The following CFAP69 variants were observed in gnomAD, a reference collection of about 807,000 sequenced individuals.
CFAP69 encodes cilia and flagella associated protein 69.
A neutral mutation model predicts 123.0 loss-of-function variants in CFAP69; 92 were observed. The observed-to-expected ratio is 0.75, with a 90% confidence interval of 0.63 to 0.89. The LOEUF is 0.89. Among genes scored for constraint, CFAP69 ranks in the 40% least tolerant of loss-of-function variants. The pLI is 0.00. For missense variants in CFAP69, 1,067 were observed against 1,096.9 expected (o/e 0.97, Z 0.39); for synonymous variants, 380 against 364.3 (o/e 1.04, Z -0.49).
At chr7:90,299,775 T>C in intron 16 of CFAP69, 92 bp from the exon 17 acceptor site, 1 of 1,043,262 alleles carries the variant, frequency 9.6e-7, no homozygotes, top group Non-Finnish European at 1.3e-6. Context: ...AGAAACTTAA[T>C]GATAATAGAA....
downstream of CFAP69, among the ~76,000 whole-genome samples, chr7:90,313,662 C>T (rs1161331376): frequency 6.6e-6 from 1 of 151,570 alleles, no homozygotes; most frequent in Non-Finnish European, 1.5e-5. Context: ...AAAGTATAAA[C>T]AAATGTTCAT....
At chr7:90,256,524 A>T (rs757604184) in intron 2 of CFAP69, among the ~76,000 whole-genome samples, 6 of 134,006 alleles carry the variant, frequency 4.5e-5, no homozygotes, top group Non-Finnish European at 9.3e-5. Flanking sequence ...CTTAAAGTAT[A>T]AAAAAAAAAA....
chr7:90,317,088 G>A, the CFAP69 span: 1 of 151,672 alleles, frequency 6.6e-6, no homozygotes, highest in African/African-American at 2.4e-5. Flanking sequence ...TAGCTGTCAG[G>A]TCATTTTTTT....
Position 90,245,413 on chromosome 7 carries a change from C to T in CFAP69, c.-12C>T. 1 of 1,538,934 alleles carries T rather than the reference C, an allele frequency of 6.5e-7. No homozygotes were observed. The highest frequency in any genetic ancestry group is 1.2e-5 in the South Asian group (1 of 83,140). ...GAAGATCCCCCCACTCTCCACCCCGCCGCCACCGGCCATGTGGACAGAGGA... is the reference window on the plus strand; with the variant it reads ...GAAGATCCCCCCACTCTCCACCCCGTCGCCACCGGCCATGTGGACAGAGGA... On this transcript the variant is annotated 5_prime_UTR_variant, in exon 1 of 23. Transcript: ENST00000389297.
At chr7:90,264,589 A>G (rs557972616) in intron 4 of CFAP69, among the ~76,000 whole-genome samples, 2 of 152,148 alleles carry the variant, frequency 1.3e-5, no homozygotes, top group South Asian at 4.1e-4. Flanking sequence ...TTTGTTCCAG[A>G]TTATCCAATG....
At chr7:90,264,130 T>TATATAAAAA (rs1798789337) in intron 4 of CFAP69, among the ~76,000 whole-genome samples, 1 of 96,350 alleles carries the variant, frequency 1.0e-5, no homozygotes, top group Admixed American at 1.2e-4. Flanking sequence ...TATATATATA[T>TATATAAAAA]ATATATATAT....
chr7:90,313,657 A>G (rs1348382462), downstream of CFAP69, among the ~76,000 whole-genome samples: 1 of 152,232 alleles, frequency 6.6e-6, no homozygotes, highest in Admixed American at 6.5e-5. Flanking sequence ...AAACCAAAGT[A>G]TAAACAAATG....
At chr7:90,270,915 A>G (rs1441992998) in intron 6 of CFAP69, among the ~76,000 whole-genome samples, 1 of 152,130 alleles carries the variant, frequency 6.6e-6, no homozygotes, top group East Asian at 1.9e-4. Context: ...CTAAAATACT[A>G]TTAAATTCAC....
rs373931252 is a variant in CFAP69 at position 90,250,279 on chromosome 7, C to A, written c.120+4735C>A. Among the ~76,000 whole-genome samples the A allele has an allele frequency of 1.0e-4, 15 of 148,492 alleles. No individual in the cohort carries two copies. In the East Asian group the frequency reaches 2.8e-3, roughly 27 times the overall value. ...AGGAGTCAGGCAGAGAACTAAGGAA[C>A]AAAGAACCAGAGTTTCTACATTAGA... On this transcript the variant is annotated intron_variant, in intron 1 of 22. Transcript: ENST00000389297.
At chr7:90,260,102 C>T (rs1798125129) in intron 3 of CFAP69, among the ~76,000 whole-genome samples, 1 of 152,044 alleles carries the variant, frequency 6.6e-6, no homozygotes, top group South Asian at 2.1e-4. Flanking sequence ...TTTAGTTCAT[C>T]AGCTATCATT....
At chr7:90,289,850 A>G (rs983684359) in intron 15 of CFAP69, among the ~76,000 whole-genome samples, 7 of 152,166 alleles carry the variant, frequency 4.6e-5, no homozygotes, top group East Asian at 1.9e-4. Context: ...TTGTAATTCA[A>G]TGCTGTTTTT....
rs537740346 is a variant in CFAP69, at chr7:90,253,183, T to G, written c.121-2240T>G. ...ACAAAGGAAACTGGGAGAGCTTAAC[T>G]CCTGTAATGGGGGTAAGCACTGTGA... On this transcript the variant is annotated intron_variant, in intron 1 of 22. Coordinates refer to ENST00000389297, the MANE Select transcript of CFAP69 (RefSeq NM_001039706.3). Among the ~76,000 whole-genome samples the G allele has an allele frequency of 3.3e-5, 5 of 152,266 alleles. No homozygotes were observed. The South Asian group carries it at 8.3e-4, about 25-fold the overall frequency.
chr7:90,299,347 A>G (rs778285808), intron 16 of CFAP69, among the ~76,000 whole-genome samples: 13 of 151,840 alleles, frequency 8.6e-5, no homozygotes, highest in Non-Finnish European at 1.8e-4. Flanking sequence ...ATCCTTAAAT[A>G]CTCTTTTATG....
intron 1 of CFAP69, among the ~76,000 whole-genome samples, chr7:90,246,816 ATT>A (rs11368221): frequency 5.7e-4 from 82 of 144,522 alleles, no homozygotes; most frequent in African/African-American, 1.7e-3. Flanking sequence ...GCAAGCGTGG[ATT>A]TTTTTTTTTT....
At chr7:90,323,048 A>AT in the CFAP69 span, among the ~76,000 whole-genome samples, 30 of 152,312 alleles carry the variant, frequency 2.0e-4, no homozygotes, top group African/African-American at 6.3e-4. Flanking sequence ...AATCTCAGCA[A>AT]TTTTTTGAGA....
In CFAP69 at chr7:90,307,040, A is replaced by G. The variant is rs1793696543; in HGVS notation, c.2405A>G (p.Asp802Gly). The G allele has an allele frequency of 6.2e-7, 1 of 1,613,250 alleles. No individual in the cohort carries two copies. Among genetic ancestry groups the G allele is most frequent in the Admixed American group, 1.7e-5 (1 of 59,802 alleles). ...AAGATGGTTGCTTCTCTGCAAAGTGATATAATTGAAAGCCAAGCATGCCAA... is the reference window on the plus strand; with the variant it reads ...AAGATGGTTGCTTCTCTGCAAAGTGGTATAATTGAAAGCCAAGCATGCCAA... Reference protein sequence around the residue: ...IGKMVASLQSDIIESQACQDM... With the variant: ...IGKMVASLQSGIIESQACQDM... Residue 802 changes from aspartate (D) to glycine (G), a missense_variant, in exon 20 of 23, where the codon GAT becomes GGT. Asp to Gly is a moderately conservative substitution (Grantham distance 94, BLOSUM62 -1). Transcript: ENST00000389297.
rs756005402 is a variant in CFAP69 at position 90,245,443 on chromosome 7, G to T, written c.19G>T (p.Gly7Trp). 3.2e-6 allele frequency: 5 copies of T among 1,558,978 alleles called. No individual in the cohort carries two copies. The highest frequency in any genetic ancestry group is 4.3e-6 in the Non-Finnish European group (5 of 1,154,594). MWTEEA[G>W]ATAEAQESGI... ...ACCGGCCATGTGGACAGAGGAAGCC[G>T]GGGCGACCGCCGAGGCCCAGGAATC... The change falls in exon 1 of 23, where the codon GGG becomes TGG. Residue 7 changes from glycine (G) to tryptophan (W), a missense_variant. Transcript: ENST00000389297.
intron 1 of CFAP69, among the ~76,000 whole-genome samples, chr7:90,248,235 A>G (rs925596938): frequency 3.9e-5 from 6 of 152,150 alleles, no homozygotes; most frequent in Non-Finnish European, 8.8e-5. Context: ...GTTTTATATC[A>G]TTTTCTTTAT....
intron 21 of CFAP69, among the ~76,000 whole-genome samples, chr7:90,308,450 T>C (rs2117466162): frequency 6.6e-6 from 1 of 152,266 alleles, no homozygotes; most frequent in South Asian, 2.1e-4. Flanking sequence ...CCCACCCTTT[T>C]CCATTAATAT....
Sources: allele counts gnomAD v4.1 joint callset (sites outside exome capture counted in the v4.1 genomes callset), GRCh38; gene constraint gnomAD v4.1.1; transcripts MANE v1.5; gene names NCBI Gene and HGNC (gene_info 2026-07-23, HGNC 2026-07-21).